NLRC4: variants seen among roughly 807,000 people sequenced by gnomAD.
NLRC4 encodes NLR family CARD domain containing 4, also known as NLR family CARD domain-containing protein 4.
NLRC4 carries 63 observed loss-of-function variants against 79.9 expected under a neutral mutation model. The ratio of observed to expected loss-of-function variants is 0.79; its 90% CI spans 0.64 to 0.97. The LOEUF (loss-of-function observed/expected upper bound fraction) is 0.97. NLRC4 is among the 50% of genes least tolerant of loss of function. The probability of loss-of-function intolerance (pLI) is 0.00; values close to 1 mark genes in which losing one functional copy is unlikely to be tolerated. For synonymous variants in NLRC4, 461 were observed against 456.5 expected (o/e 1.01, Z -0.12); for missense variants, 1,074 against 1,215.2 (o/e 0.88, Z 1.73).
At chr2:32,261,818 C>T (rs915711731) in intron 1 of NLRC4, among the ~76,000 whole-genome samples, 1 of 151,700 alleles carries the variant, frequency 6.6e-6, no homozygotes, top group Non-Finnish European at 1.5e-5. Context: ...CGCGGTGGCT[C>T]ACGCCTGTAA....
rs1293619680 is a variant in NLRC4, at chr2:32,249,664, A to G, written c.2200T>C (p.Ser734Pro). ...CTCAAGGTTTTCAGGTTTGTTACAG[A>G]TGTGATGTGCCTCTCATCTTCTATG... ...LTIEDERHIT[S>P]VTNLKTLSIH... is the part of the protein sequence containing the mutation. Residue 734 changes from serine to proline, a missense_variant, in exon 4 of 9, where the codon TCT becomes CCT. By Grantham distance (74) the Ser-to-Pro change is moderately conservative. Transcript: ENST00000402280. 16 of 1,613,546 alleles carry G rather than the reference A, an allele frequency of 9.9e-6. No homozygotes were observed. Among genetic ancestry groups the G allele is most frequent in the Non-Finnish European group, 1.4e-5 (16 of 1,179,838 alleles).
At chr2:32,242,407 A>G (rs1001292875) in intron 4 of NLRC4, among the ~76,000 whole-genome samples, 3 of 152,238 alleles carry the variant, frequency 2.0e-5, no homozygotes, top group African/African-American at 7.2e-5. Context: ...ATTTGACAAC[A>G]TATATGAAAT....
rs763620987 is a variant in NLRC4 at position 32,250,501 on chromosome 2, G to A, written c.1363C>T (p.Leu455Phe). 6.8e-6 allele frequency: 11 copies of A among 1,614,202 alleles called. No homozygotes were observed. In the Admixed American group the frequency reaches 1.3e-4, roughly 20 times the overall value. Residue 455 changes from leucine to phenylalanine, a missense_variant, in exon 4 of 9, where the codon CTC becomes TTC. Physicochemically the swap from Leu to Phe is conservative, Grantham distance 22. Coordinates refer to ENST00000402280, the MANE Select transcript of NLRC4 (RefSeq NM_001199138.2). The surrounding 1 kb of genome is among the most constrained non-coding windows in gnomAD (Gnocchi z 4.9). Reference sequence around the variant, plus strand: ...TCATGAGACGTCAATAAACTGCTGAGTCTTCGTCCTGCTGTGTACTCCTGG... The same window carrying A: ...TCATGAGACGTCAATAAACTGCTGAATCTTCGTCCTGCTGTGTACTCCTGG... Reference protein sequence around the residue: ...SFQEYTAGRRLSSLLTSHEPE... With the variant: ...SFQEYTAGRRFSSLLTSHEPE...
rs199646963 is a variant in NLRC4, at chr2:32,250,336, C to G, written c.1528G>C (p.Ala510Pro). Reference protein sequence around the residue: ...EATRAVMKHLAAVYQHGCLLG... With the variant: ...EATRAVMKHLPAVYQHGCLLG... ...AGGCAGCCGTGTTGATACACTGCTG[C>G]GAGGTGCTTCATAACAGCCCTGGTG... The change falls in exon 4 of 9, where the codon GCA becomes CCA. Residue 510 changes from alanine to proline, a missense_variant. By Grantham distance (27) the Ala-to-Pro change is conservative (BLOSUM62 -1). Coordinates refer to ENST00000402280, the MANE Select transcript of NLRC4 (RefSeq NM_001199138.2). This position sits in a 1 kb window ranked among gnomAD's most constrained non-coding sequence, Gnocchi z 4.9. 6.2e-7 allele frequency: 1 copy of G among 1,614,054 alleles called. No homozygotes were observed. The highest frequency in any genetic ancestry group is 1.3e-5 in the African/African-American group (1 of 74,914).
In NLRC4 at chr2:32,224,749, CTTT is replaced by C; in HGVS notation, c.2796_2798del (p.Lys933del). The C allele has an allele frequency of 6.4e-7, 1 of 1,570,792 alleles. No individual in the cohort carries two copies. Among genetic ancestry groups the C allele is most frequent in the Non-Finnish European group, 8.6e-7 (1 of 1,161,100 alleles). On this transcript the variant is annotated inframe_deletion, in exon 9 of 9. Coordinates refer to ENST00000402280, the MANE Select transcript of NLRC4 (RefSeq NM_001199138.2). Reference sequence around the variant, plus strand: ...ACTGCTGGAAGTTTTTCAGAGGGTTCTTTCCAAAAAATGCACCTGGGTAAAGAA... The same window carrying C: ...ACTGCTGGAAGTTTTTCAGAGGGTTCCCAAAAAATGCACCTGGGTAAAGAA...
In NLRC4 at chr2:32,259,262, A is replaced by ATT. The variant is rs57570626; in HGVS notation, c.-118-2371_-118-2370dup. ...AGGTGTGTGCCACCATGCCTGGCTAATTTTTTTTTTTTTTTTTTTTTTTTT... is the reference window on the plus strand; with the variant it reads ...AGGTGTGTGCCACCATGCCTGGCTAATTTTTTTTTTTTTTTTTTTTTTTTTTT... On this transcript the variant is annotated intron_variant, in intron 1 of 8. Coordinates refer to ENST00000402280, the MANE Select transcript of NLRC4 (RefSeq NM_001199138.2). 4.3e-3 allele frequency among the ~76,000 whole-genome samples: 226 copies of ATT among 52,894 alleles called. 36 individuals are homozygous for ATT. The highest frequency in any genetic ancestry group is 0.013 in the African/African-American group (143 of 10,698). The allele number at this position is 52,894 out of a possible 152,430, so 34.7% of individuals were successfully genotyped here. A position where few individuals can be genotyped will look rare whatever the true frequency, so the allele number is the denominator to read the frequency against.
chr2:32,261,706 C>A (rs1204633555), intron 1 of NLRC4, among the ~76,000 whole-genome samples: 1 of 152,054 alleles, frequency 6.6e-6, no homozygotes, highest in Non-Finnish European at 1.5e-5. Flanking sequence ...AATGATGCTG[C>A]TTCAAAAGCA....
intron 8 of NLRC4, among the ~76,000 whole-genome samples, chr2:32,231,179 G>T (rs1686523372): frequency 6.6e-6 from 1 of 151,982 alleles, no homozygotes. Flanking sequence ...TTTTGACATG[G>T]AGTCTCACTC....
At position 32,251,080 on chromosome 2, in the gene NLRC4, C is replaced by T. The variant is rs539032542; in HGVS notation, c.784G>A (p.Glu262Lys). 1.7e-5 allele frequency: 27 copies of T among 1,614,090 alleles called. No homozygotes were observed. The highest frequency in any genetic ancestry group is 2.2e-5 in the East Asian group (1 of 44,884). The change falls in exon 4 of 9, where the codon GAA (glutamate) becomes AAA (lysine). Residue 262 changes from glutamate (E) to lysine (K), a missense_variant. Transcript: ENST00000402280. ...CGGTGGTTTTCCTTTATCAGGGCTTCGATTTCTGGGCAGTTCTGGGGCTTG... is the reference window on the plus strand; with the variant it reads ...CGGTGGTTTTCCTTTATCAGGGCTTTGATTTCTGGGCAGTTCTGGGGCTTG... ...EFKPQNCPEI[E>K]ALIKENHRFK...
chr2:32,248,613 A>G (rs1283597619), intron 4 of NLRC4, among the ~76,000 whole-genome samples: 5 of 152,158 alleles, frequency 3.3e-5, no homozygotes, highest in Non-Finnish European at 5.9e-5. Flanking sequence ...TGATCCCAGG[A>G]GTTCAAGACC....
intron 4 of NLRC4, among the ~76,000 whole-genome samples, chr2:32,247,310 T>C (rs1200979156): frequency 6.7e-6 from 1 of 149,686 alleles, no homozygotes; most frequent in African/African-American, 2.4e-5. Context: ...TATTTATTTT[T>C]TTTAATTTTT....
intron 4 of NLRC4, among the ~76,000 whole-genome samples, chr2:32,248,558 G>C (rs1370489012): frequency 6.6e-6 from 1 of 152,158 alleles, no homozygotes; most frequent in Admixed American, 6.5e-5. Flanking sequence ...GGTGGCTCAC[G>C]CCTGTAATCC....
chr2:32,261,316 C>CTTTTTTTTTTTTTCTTTTTTTTTTTT (rs751434892), intron 1 of NLRC4, among the ~76,000 whole-genome samples: 1 of 96,884 alleles, frequency 1.0e-5, no homozygotes, highest in Non-Finnish European at 2.1e-5. Context: ...AGCCTCCCCC[C>CTTTTTTTTTTTTTCTTTTTTTTTTTT]TTTTGTTTTT....
chr2:32,228,124 T>C (rs569193009), intron 8 of NLRC4, among the ~76,000 whole-genome samples: 106 of 152,314 alleles, frequency 7.0e-4, no homozygotes, highest in East Asian at 9.6e-4. Context: ...ATGGTCCCTG[T>C]CTAAATGGGC....
At chr2:32,235,710 GT>G (rs371892451) in intron 7 of NLRC4, 142 bp from the exon 8 acceptor site, 52 of 609,246 alleles carry the variant, frequency 8.5e-5, no homozygotes, top group Middle Eastern at 4.6e-4. Flanking sequence ...TTAATTTTTG[GT>G]TTTTTTTTGG....
chr2:32,249,560 A>ATTTTT (rs768744114), intron 4 of NLRC4, 47 bp downstream of exon 4: 5 of 1,381,170 alleles, frequency 3.6e-6, no homozygotes, highest in Non-Finnish European at 4.9e-6. Flanking sequence ...ATACACTGTT[A>ATTTTT]TTTTTTTTTA....
chr2:32,236,349 AAAAG>A lies in NLRC4; in HGVS notation c.2522-14_2522-11del. The A allele has an allele frequency of 6.5e-7, 1 of 1,534,684 alleles. No individual in the cohort carries two copies. Among genetic ancestry groups the A allele is most frequent in the Non-Finnish European group, 8.9e-7 (1 of 1,122,348 alleles). On this transcript the variant is annotated splice_polypyrimidine_tract_variant and intron_variant, in intron 6 of 8. Coordinates refer to ENST00000402280, the MANE Select transcript of NLRC4 (RefSeq NM_001199138.2). ...TTGTGAAGATTCTGAGCTGGGGAAA[AAAAG>A]TAATCCAAAATAAAAAGATTTTCAG...
chr2:32,226,836 C>T (rs181841424), intron 8 of NLRC4, among the ~76,000 whole-genome samples: 1 of 151,862 alleles, frequency 6.6e-6, no homozygotes, highest in Non-Finnish European at 1.5e-5. Flanking sequence ...GCAGAGATCA[C>T]ACCATTGCAC....
At chr2:32,231,572 TG>T (rs1686535790) in intron 8 of NLRC4, among the ~76,000 whole-genome samples, 8 of 59,488 alleles carry the variant, frequency 1.3e-4, no homozygotes, top group Admixed American at 2.0e-4. Context: ...TATTTTTTTT[TG>T]TGGGGGGGGG....
Sources: gnomAD v4.1 joint callset for allele counts (sites outside exome capture counted in the v4.1 genomes callset) on GRCh38, gnomAD v4.1.1 for gene constraint, Gnocchi (gnomAD v3.1) non-coding constraint, MANE v1.5 for transcripts, NCBI Gene and HGNC (gene_info 2026-07-23, HGNC 2026-07-21) for gene names.